The following MCU variants were observed in gnomAD, a reference collection of about 807,000 sequenced individuals.
The protein encoded by MCU is calcium uniporter protein, mitochondrial.
In MCU, 12 loss-of-function variants were observed where a neutral mutation model predicts 45.2. That is an observed-to-expected ratio of 0.27 (90% CI 0.17 to 0.43). The LOEUF (loss-of-function observed/expected upper bound fraction) is 0.43. MCU is among the 20% of genes least tolerant of loss of function. The pLI, the probability that MCU is intolerant of heterozygous loss-of-function variation, is 1.00. For missense variants in MCU, 324 were observed against 436.7 expected (o/e 0.74, Z 2.30); for synonymous variants, 160 against 165.1 (o/e 0.97, Z 0.24).
At chr10:72,878,045 C>T (rs1468122957) in intron 6 of MCU, among the ~76,000 whole-genome samples, 1 of 146,288 alleles carries the variant, frequency 6.8e-6, no homozygotes, top group Non-Finnish European at 1.5e-5. Context: ...CAGAAGCAAA[C>T]ATAAATCATC....
intron 2 of MCU, among the ~76,000 whole-genome samples, chr10:72,852,619 G>A (rs947535761): frequency 2.6e-5 from 4 of 152,176 alleles, no homozygotes; most frequent in African/African-American, 9.7e-5. Context: ...GCCTGAGGCG[G>A]CCTCTAAATT....
chr10:72,854,243 G>A lies in MCU; in HGVS notation c.221-4934G>A, dbSNP rs535223089. Among the ~76,000 whole-genome samples the A allele has an allele frequency of 7.2e-5, 11 of 152,102 alleles. No individual in the cohort carries two copies. In the East Asian group the frequency reaches 1.9e-3, roughly 27 times the overall value. On this transcript the variant is annotated intron_variant, in intron 2 of 7. Transcript: ENST00000373053. ...AGTAGTTTGAGACTGAGTAACCCAT[G>A]ATGGTGCCACTGAACTCCAGCCTGG...
intron 2 of MCU, among the ~76,000 whole-genome samples, chr10:72,843,736 A>G (rs1845080008): frequency 6.6e-6 from 1 of 152,186 alleles, no homozygotes; most frequent in South Asian, 2.1e-4. Context: ...AAGTGGTTGT[A>G]CTATTTTGTA....
chr10:72,874,105 T>G (rs961781510), intron 6 of MCU, among the ~76,000 whole-genome samples: 1 of 152,156 alleles, frequency 6.6e-6, no homozygotes, highest in Non-Finnish European at 1.5e-5. Flanking sequence ...TTCTGCATAG[T>G]TTTTAGAATT....
chr10:72,692,730 C>T (rs1356875345), intron 1 of MCU: 1 of 1,277,108 alleles, frequency 7.8e-7, no homozygotes, highest in Non-Finnish European at 9.9e-7. Flanking sequence ...CCGCGGCCGC[C>T]TTGTGTGTGC....
intron 2 of MCU, among the ~76,000 whole-genome samples, chr10:72,849,000 G>A (rs1845164727): frequency 6.6e-6 from 1 of 152,054 alleles, no homozygotes; most frequent in East Asian, 1.9e-4. Context: ...GAATGAAAGG[G>A]CCGGGGTTGG....
chr10:72,791,009 T>G (rs1467974922), intron 1 of MCU, among the ~76,000 whole-genome samples: 1 of 152,202 alleles, frequency 6.6e-6, no homozygotes, highest in Admixed American at 6.5e-5. Flanking sequence ...CAGAGTGATT[T>G]ATTCTCCCCA....
intron 6 of MCU, among the ~76,000 whole-genome samples, chr10:72,883,675 C>A (rs1845738533): frequency 6.6e-6 from 1 of 151,946 alleles, no homozygotes; most frequent in Non-Finnish European, 1.5e-5. Context: ...CGGAAACAAC[C>A]CAAAAGCTTA....
chr10:72,860,643 GT>G, intron 4 of MCU, 116 bp downstream of exon 4: 1 of 746,860 alleles, frequency 1.3e-6, no homozygotes, highest in Non-Finnish European at 2.2e-6. Flanking sequence ...AACACTGAAA[GT>G]TTTATATACA....
chr10:72,763,602 G>A (rs1843685407), intron 1 of MCU, among the ~76,000 whole-genome samples: 1 of 152,146 alleles, frequency 6.6e-6, no homozygotes, highest in Admixed American at 6.5e-5. Flanking sequence ...TTTGATTATG[G>A]TGGGACTTTG....
intron 2 of MCU, among the ~76,000 whole-genome samples, chr10:72,844,409 A>G (rs1245629253): frequency 6.6e-6 from 1 of 151,888 alleles, no homozygotes; most frequent in African/African-American, 2.4e-5. Context: ...AAAAAATAGA[A>G]ATACAAAAAA....
chr10:72,772,084 G>A (rs570880729), intron 1 of MCU, among the ~76,000 whole-genome samples: 48 of 152,376 alleles, frequency 3.2e-4, no homozygotes, highest in South Asian at 2.1e-4. Context: ...CACAGTGACT[G>A]CCTGAAGGGA....
In MCU at chr10:72,753,906, C is replaced by A. The variant is rs116818783; in HGVS notation, c.150+61605C>A. 1.1e-3 allele frequency among the ~76,000 whole-genome samples: 169 copies of A among 152,084 alleles called. 1 individual carries two copies. Among genetic ancestry groups the A allele is most frequent in the African/African-American group, 3.9e-3 (162 of 41,506 alleles). ...AAAAAAAACAAAAAAACAAAACACA[C>A]ACACACACAAACCCACACTATGAAG... On this transcript the variant is annotated intron_variant, in intron 1 of 7. Coordinates refer to ENST00000373053, the MANE Select transcript of MCU (RefSeq NM_138357.3).
At chr10:72,728,215 T>C (rs1843125060) in intron 1 of MCU, among the ~76,000 whole-genome samples, 1 of 152,192 alleles carries the variant, frequency 6.6e-6, no homozygotes, top group African/African-American at 2.4e-5. Context: ...ATAAATATCA[T>C]GTGAATGTGT....
Position 72,867,060 on chromosome 10 carries a change from A to G in MCU, c.497-1643A>G, listed in dbSNP as rs187047843. Among the ~76,000 whole-genome samples, 22 of 148,642 alleles carry G rather than the reference A, an allele frequency of 1.5e-4. No individual in the cohort carries two copies. In the East Asian group the frequency reaches 4.1e-3, roughly 28 times the overall value. ...TCAGCACACATTTACTGAGGCATAC[A>G]AGATACCCAGCTAGGTGTTGTATCC... On this transcript the variant is annotated intron_variant, in intron 4 of 7. Coordinates refer to ENST00000373053, the MANE Select transcript of MCU (RefSeq NM_138357.3).
chr10:72,734,769 A>G (rs1173762524), intron 1 of MCU, among the ~76,000 whole-genome samples: 1 of 151,760 alleles, frequency 6.6e-6, no homozygotes, highest in African/African-American at 2.4e-5. Context: ...GTGTGACACC[A>G]TGCCTAGCTA....
At chr10:72,858,043 T>C (rs906628380) in intron 2 of MCU, among the ~76,000 whole-genome samples, 3 of 152,202 alleles carry the variant, frequency 2.0e-5, no homozygotes, top group African/African-American at 7.2e-5. Context: ...AAAGGAGACC[T>C]ATATTTCTCA....
At chr10:72,736,188 AT>A (rs139239449) in intron 1 of MCU, among the ~76,000 whole-genome samples, 3 of 151,484 alleles carry the variant, frequency 2.0e-5, no homozygotes, top group Admixed American at 6.6e-5. Context: ...GGATATATGG[AT>A]TTTTTTTTGC....
At chr10:72,812,703 CT>C (rs1448870221) in intron 1 of MCU, among the ~76,000 whole-genome samples, 2 of 152,198 alleles carry the variant, frequency 1.3e-5, no homozygotes, top group East Asian at 3.8e-4. Flanking sequence ...TCTGACATAA[CT>C]TTCTATCCTT....
Sources: allele counts gnomAD v4.1 joint callset (sites outside exome capture counted in the v4.1 genomes callset), GRCh38; gene constraint gnomAD v4.1.1; transcripts MANE v1.5; gene names NCBI Gene and HGNC (gene_info 2026-07-23, HGNC 2026-07-21).